The following C1orf146 variants were observed in gnomAD, a reference collection of about 807,000 sequenced individuals.
C1orf146 encodes protein SPO16 homolog.
A neutral mutation model predicts 23.0 loss-of-function variants in C1orf146; 22 were observed. The observed-to-expected ratio is 0.96, with a 90% confidence interval of 0.68 to 1.36. The LOEUF (loss-of-function observed/expected upper bound fraction) is 1.36, where lower values mean the gene tolerates loss of function less well. Ranked by LOEUF, C1orf146 falls within the 40% of genes most tolerant of loss-of-function variation. The pLI, the probability that C1orf146 is intolerant of heterozygous loss-of-function variation, is 0.00. For missense variants in C1orf146, 199 were observed against 206.8 expected, an observed-to-expected ratio of 0.96 and a Z score of 0.23; for synonymous variants, 59 against 65.3, an observed-to-expected ratio of 0.90 and a Z score of 0.47.
chr1:92,226,194 G>A lies in C1orf146; in HGVS notation c.-39-5188G>A, dbSNP rs377756453. On this transcript the variant is annotated intron_variant, in intron 1 of 5. Transcript: ENST00000370375. ...TTGTTCCTTCTTTACTACCTCTTTC[G>A]TGTTATAGGAATATTTTGTAGTACA... Among the ~76,000 whole-genome samples the A allele has an allele frequency of 5.4e-4, 82 of 151,786 alleles. 1 individual carries two copies. The East Asian group carries it at 0.013, about 25-fold the overall frequency.
At chr1:92,240,600 A>C (rs1652409602) in intron 2 of C1orf146, 1 of 154,690 alleles carries the variant, frequency 6.5e-6, no homozygotes. Flanking sequence ...ACATGTTCTG[A>C]GGCAAAACAG....
At position 92,232,571 on chromosome 1, in the gene C1orf146, C is replaced by T. The variant is rs186776467; in HGVS notation, c.66+1085C>T. ...TGTGAATAGTGCCGCAGTAAACATACGTGTACATGTGTCTTTATAGCAGCA... is the reference window on the plus strand; with the variant it reads ...TGTGAATAGTGCCGCAGTAAACATATGTGTACATGTGTCTTTATAGCAGCA... On this transcript the variant is annotated intron_variant, in intron 2 of 5. Coordinates refer to ENST00000370375, the MANE Select transcript of C1orf146 (RefSeq NM_001012425.2). 3.2e-3 allele frequency among the ~76,000 whole-genome samples: 483 copies of T among 152,192 alleles called. 1 individual carries two copies. The highest frequency in any genetic ancestry group is 0.011 in the East Asian group (57 of 5,184).
At chr1:92,244,698 GATTTGTCTCTTCTTTCCACTTTCTTA>G in intron 4 of C1orf146, 55 bp from the exon 5 acceptor site, 1 of 893,980 alleles carries the variant, frequency 1.1e-6, no homozygotes, top group Non-Finnish European at 1.8e-6. Flanking sequence ...AAACAATAGA[GATTTGTCTCTTCTTTCCACTTTCTTA>G]AGAGAACAGA....
intron 3 of C1orf146, 31 bp from the exon 4 acceptor site, chr1:92,244,186 T>C (rs1201182185): frequency 6.8e-7 from 1 of 1,480,744 alleles, no homozygotes; most frequent in Non-Finnish European, 9.3e-7. Context: ...TATAACAAAG[T>C]GACATTTTAT....
chr1:92,229,133 C>T (rs981883741), intron 1 of C1orf146: 1 of 518,940 alleles, frequency 1.9e-6, no homozygotes, highest in African/African-American at 1.9e-5. Context: ...ACACCGAGTA[C>T]TTTCGCTCTC....
intron 2 of C1orf146, among the ~76,000 whole-genome samples, chr1:92,236,175 C>G (rs576591176): frequency 1.6e-4 from 24 of 151,394 alleles, no homozygotes; most frequent in Admixed American, 6.6e-4. Context: ...TTATTTTGCT[C>G]GTTAGTTGAT....
At chr1:92,239,646 G>C (rs1452195985) in intron 2 of C1orf146, among the ~76,000 whole-genome samples, 1 of 151,910 alleles carries the variant, frequency 6.6e-6, no homozygotes, top group African/African-American at 2.4e-5. Flanking sequence ...TAGCTACTTG[G>C]GAGGCTGAGG....
At chr1:92,229,131 T>C (rs1055738957) in intron 1 of C1orf146, 47 of 518,306 alleles carry the variant, frequency 9.1e-5, no homozygotes, top group South Asian at 7.6e-4. Flanking sequence ...CCACACCGAG[T>C]ACTTTCGCTC....
At chr1:92,237,727 C>A (rs953469830) in intron 2 of C1orf146, among the ~76,000 whole-genome samples, 1 of 152,138 alleles carries the variant, frequency 6.6e-6, no homozygotes, top group African/African-American at 2.4e-5. Context: ...TGGCTCCTCC[C>A]CCATAAATTA....
chr1:92,234,014 A>G (rs937948794), intron 2 of C1orf146, among the ~76,000 whole-genome samples: 1 of 152,218 alleles, frequency 6.6e-6, no homozygotes, highest in Non-Finnish European at 1.5e-5. Context: ...TTTTGGGCTG[A>G]GACGATGGGG....
Position 92,231,368 on chromosome 1 carries a change from C to G in C1orf146, c.-39-14C>G. On this transcript the variant is annotated splice_polypyrimidine_tract_variant and intron_variant, in intron 1 of 5. Coordinates refer to ENST00000370375, the MANE Select transcript of C1orf146 (RefSeq NM_001012425.2). ...GATATTTCTTTGCATTCTTTGTGTT[C>G]TTAATTTTCTCAGATTGTTGCACCA... 2 of 1,263,094 alleles carry G rather than the reference C, an allele frequency of 1.6e-6. No homozygotes were observed. Among genetic ancestry groups the G allele is most frequent in the Non-Finnish European group, 1.1e-6 (1 of 893,478 alleles). The allele number at this position is 1,263,094 out of a possible 1,614,324, so 78.2% of individuals were successfully genotyped here.
chr1:92,229,633 A>G (rs528634584), intron 1 of C1orf146, among the ~76,000 whole-genome samples: 1 of 152,346 alleles, frequency 6.6e-6, no homozygotes, highest in South Asian at 2.1e-4. Context: ...TTTCTTAAAT[A>G]AGAAACAAAA....
At chr1:92,225,233 G>A (rs1449171197) in intron 1 of C1orf146, among the ~76,000 whole-genome samples, 1 of 150,696 alleles carries the variant, frequency 6.6e-6, no homozygotes, top group Admixed American at 6.6e-5. Context: ...AGCCTCCCAC[G>A]TAGCTGGGAC....
chr1:92,241,186 G>T (rs1032196956), intron 2 of C1orf146, among the ~76,000 whole-genome samples: 4 of 99,754 alleles, frequency 4.0e-5, no homozygotes, highest in African/African-American at 1.4e-4. Context: ...TCTCCAAGTT[G>T]CTTATTATTA....
chr1:92,244,313 A>G lies in C1orf146; in HGVS notation c.257A>G (p.Asn86Ser), dbSNP rs776356714. ...GAGAAATTTATTAACATTCACCAAA[A>G]TAGTTTTTTGGTTTTGTCTGCTGCC... ...KIEKFINIHQ[N>S]SFLVLSAALH... is the part of the protein sequence containing the mutation. Residue 86 changes from asparagine to serine, a missense_variant, in exon 4 of 6, where the codon AAT (asparagine) becomes AGT (serine). Physicochemically the swap from Asn to Ser is conservative, Grantham distance 46 (BLOSUM62 1). Coordinates refer to ENST00000370375, the MANE Select transcript of C1orf146 (RefSeq NM_001012425.2). 4.6e-5 allele frequency: 74 copies of G among 1,612,740 alleles called. 2 individuals are homozygous for G. The South Asian group carries it at 7.8e-4, about 17-fold the overall frequency.
intron 2 of C1orf146, among the ~76,000 whole-genome samples, chr1:92,235,682 G>A (rs1222037492): frequency 6.6e-6 from 1 of 152,106 alleles, no homozygotes; most frequent in East Asian, 1.9e-4. Context: ...TTTCTGTCTC[G>A]TTGATCTGTC....
At chr1:92,232,444 A>C (rs560597480) in intron 2 of C1orf146, among the ~76,000 whole-genome samples, 104 of 152,116 alleles carry the variant, frequency 6.8e-4, no homozygotes, top group African/African-American at 2.5e-3. Flanking sequence ...TGAACTCATC[A>C]TTTTTTGTGG....
chr1:92,240,141 A>G (rs998326320), intron 2 of C1orf146, among the ~76,000 whole-genome samples: 19 of 152,178 alleles, frequency 1.2e-4, no homozygotes, highest in Admixed American at 2.0e-4. Flanking sequence ...CCTTAATACA[A>G]TTTCAGGGAT....
rs551320351 is a variant in C1orf146 at position 92,245,787 on chromosome 1, A to G, written c.*113A>G. The G allele has an allele frequency of 3.0e-6, 2 of 675,310 alleles. No homozygotes were observed. Among genetic ancestry groups the G allele is most frequent in the African/African-American group, 3.8e-5 (2 of 53,266 alleles). The allele number at this position is 675,310 out of a possible 1,614,324, so 41.8% of individuals were successfully genotyped here. ...ATATTAATTTGAAATAATAACATAT[A>G]CAATTAAAAGTGATTTTATTTTAGG... On this transcript the variant is annotated 3_prime_UTR_variant, in exon 6 of 6. Transcript: ENST00000370375.
Sources: allele counts gnomAD v4.1 joint callset (sites outside exome capture counted in the v4.1 genomes callset), GRCh38; gene constraint gnomAD v4.1.1; transcripts MANE v1.5; gene names NCBI Gene and HGNC (gene_info 2026-07-23, HGNC 2026-07-21).